PRLR: variants seen among roughly 807,000 people sequenced by gnomAD.
PRLR encodes the protein hPRL receptor.
PRLR carries 13 observed loss-of-function variants against 40.2 expected under a neutral mutation model. The observed-to-expected ratio is 0.32, with a 90% CI of 0.21 to 0.51. The LOEUF is 0.51. Ranked by LOEUF, PRLR falls within the 20% of genes least tolerant of loss-of-function variation. PRLR has a pLI of 0.97. For missense variants in PRLR, 656 were observed against 747.3 expected, an observed-to-expected ratio of 0.88 and a Z score of 1.42; for synonymous variants, 269 against 278.7, an observed-to-expected ratio of 0.97 and a Z score of 0.35.
At chr5:35,143,592 C>T (rs1489402383) in intron 1 of PRLR, among the ~76,000 whole-genome samples, 1 of 152,114 alleles carries the variant, frequency 6.6e-6, no homozygotes, top group Non-Finnish European at 1.5e-5. Context: ...TTTTCATTGT[C>T]CTCTCACCTA....
intron 1 of PRLR, among the ~76,000 whole-genome samples, chr5:35,170,746 T>C (rs981785122): frequency 2.0e-5 from 3 of 152,164 alleles, no homozygotes; most frequent in African/African-American, 7.2e-5. Flanking sequence ...ATAAATTCCA[T>C]AGAGATGAAC....
At chr5:35,156,492 C>A (rs926034051) in intron 1 of PRLR, among the ~76,000 whole-genome samples, 3 of 152,202 alleles carry the variant, frequency 2.0e-5, no homozygotes, top group African/African-American at 7.2e-5. Flanking sequence ...TATACAATGA[C>A]CTACAAGACT....
chr5:35,128,291 A>T (rs1158385189), intron 1 of PRLR, among the ~76,000 whole-genome samples: 2 of 149,870 alleles, frequency 1.3e-5, no homozygotes, highest in East Asian at 4.2e-4. Flanking sequence ...GGACTTGCGC[A>T]TCTGTGGATC....
At chr5:35,185,574 G>C (rs537788735) in intron 1 of PRLR, among the ~76,000 whole-genome samples, 1 of 152,228 alleles carries the variant, frequency 6.6e-6, no homozygotes, top group South Asian at 2.1e-4. Context: ...CCATGGCAAC[G>C]TACTTCTAAA....
chr5:35,134,683 C>A (rs111330880), intron 1 of PRLR, among the ~76,000 whole-genome samples: 1,908 of 152,286 alleles, frequency 0.013, 41 homozygotes, highest in African/African-American at 0.044. Context: ...TAAAAGGTGT[C>A]TTTTGTTACA....
At chr5:35,191,488 A>C (rs946754430) in intron 1 of PRLR, among the ~76,000 whole-genome samples, 19 of 152,154 alleles carry the variant, frequency 1.2e-4, no homozygotes, top group Non-Finnish European at 1.5e-5. Flanking sequence ...TTTCTAGCCT[A>C]TTTTATTATA....
At chr5:35,108,272 G>A (rs151237923) in intron 2 of PRLR, among the ~76,000 whole-genome samples, 13,753 of 152,096 alleles carry the variant, frequency 0.09, 1,597 homozygotes, top group African/African-American at 0.26. Flanking sequence ...ATATCATACT[G>A]AATGGGCAAA....
At chr5:35,129,490 G>C (rs574122953) in intron 1 of PRLR, among the ~76,000 whole-genome samples, 1 of 152,188 alleles carries the variant, frequency 6.6e-6, no homozygotes, top group Admixed American at 6.5e-5. Context: ...ACAAAGTTGG[G>C]AGGATTTACA....
intron 2 of PRLR, among the ~76,000 whole-genome samples, chr5:35,094,160 T>G (rs1245413333): frequency 1.3e-5 from 2 of 152,148 alleles, no homozygotes; most frequent in Non-Finnish European, 2.9e-5. Context: ...GAAATCCAAC[T>G]TGCAACTCCT....
chr5:35,135,094 T>TC (rs1256997096), intron 1 of PRLR, among the ~76,000 whole-genome samples: 1 of 138,922 alleles, frequency 7.2e-6, no homozygotes, highest in East Asian at 2.0e-4. Flanking sequence ...ATTTGTGTTT[T>TC]TTTTTTTTCT....
intron 9 of PRLR, 147 bp downstream of exon 9, chr5:35,068,069 G>T: frequency 1.4e-6 from 1 of 693,622 alleles, no homozygotes. Context: ...ACAACTTTCT[G>T]TTAACACACA....
intron 1 of PRLR, among the ~76,000 whole-genome samples, chr5:35,142,428 A>G (rs927329756): frequency 6.6e-6 from 1 of 152,206 alleles, no homozygotes; most frequent in Non-Finnish European, 1.5e-5. Flanking sequence ...CTAATGGCAC[A>G]TCTTATAGCC....
intron 1 of PRLR, among the ~76,000 whole-genome samples, chr5:35,170,705 C>T (rs1020284873): frequency 3.9e-5 from 6 of 152,064 alleles, no homozygotes; most frequent in Non-Finnish European, 8.8e-5. Context: ...GAACAAGAAC[C>T]TACCTCTAAA....
downstream of PRLR, among the ~76,000 whole-genome samples, chr5:35,052,116 A>T (rs1211747470): frequency 1.3e-5 from 2 of 152,196 alleles, no homozygotes; most frequent in Non-Finnish European, 2.9e-5. Context: ...ATTTTAACTT[A>T]CTTATAAATC....
intron 2 of PRLR, among the ~76,000 whole-genome samples, chr5:35,101,292 C>T (rs1164776961): frequency 6.6e-6 from 1 of 152,150 alleles, no homozygotes; most frequent in East Asian, 1.9e-4. Context: ...ACGGAAACAG[C>T]ACTTGGCCTT....
intron 1 of PRLR, among the ~76,000 whole-genome samples, chr5:35,190,476 G>T (rs1331822978): frequency 6.6e-6 from 1 of 152,052 alleles, no homozygotes; most frequent in Non-Finnish European, 1.5e-5. Flanking sequence ...ATAGTGGCAG[G>T]TGCCTGTAAT....
intron 1 of PRLR, among the ~76,000 whole-genome samples, chr5:35,137,221 A>G (rs1043800712): frequency 6.6e-6 from 1 of 152,234 alleles, no homozygotes; most frequent in Admixed American, 6.5e-5. Flanking sequence ...GGAGAAGGTT[A>G]GGGATTGGTC....
chr5:35,106,480 C>T (rs1772258583), intron 2 of PRLR, among the ~76,000 whole-genome samples: 1 of 152,042 alleles, frequency 6.6e-6, no homozygotes, highest in African/African-American at 2.4e-5. Flanking sequence ...TTCAGGAGAC[C>T]CACTTCTCAT....
chr5:35,179,752 G>A lies in PRLR; in HGVS notation c.-106+50516C>T, dbSNP rs372462546. Among the ~76,000 whole-genome samples, 7 of 152,156 alleles carry A rather than the reference G, an allele frequency of 4.6e-5. No individual in the cohort carries two copies. In the East Asian group the frequency reaches 1.3e-3, roughly 29 times the overall value. ...TGTTGGAGGTGGGGCCTGGTGGGAG[G>A]TGACTGGATCATGGGTTTGGATTTC... is the stretch of plus-strand genomic sequence containing the variant. On this transcript the variant is annotated intron_variant, in intron 1 of 9. Transcript: ENST00000618457.
Sources: gnomAD v4.1 joint callset for allele counts (sites outside exome capture counted in the v4.1 genomes callset) on GRCh38, gnomAD v4.1.1 for gene constraint, MANE v1.5 for transcripts, NCBI Gene and HGNC (gene_info 2026-07-23, HGNC 2026-07-21) for gene names.